Variants in ARMC3 observed in about 807,000 individuals in gnomAD.
ARMC3 encodes the protein armadillo repeat-containing protein 3.
ARMC3 carries 74 observed loss-of-function variants against 90.3 expected under a neutral mutation model. That is an observed-to-expected ratio of 0.82 (90% confidence interval 0.68 to 0.99). The LOEUF is 0.99. Among genes scored for constraint, ARMC3 ranks in the 50% least tolerant of loss-of-function variants. ARMC3 has a pLI of 0.00. For missense variants in ARMC3, 958 were observed against 1,042.8 expected (o/e 0.92, Z 1.12); for synonymous variants, 334 against 361.8 (o/e 0.92, Z 0.87).
intron 2 of ARMC3, among the ~76,000 whole-genome samples, chr10:22,932,453 CCACTGCACGT>C (rs1833969101): frequency 6.6e-6 from 1 of 152,164 alleles, no homozygotes; most frequent in Admixed American, 6.5e-5. Context: ...CTGGTGATGA[CCACTGCACGT>C]GAGAAGTCCC....
chr10:22,944,025 C>A (rs1834425123), intron 2 of ARMC3, among the ~76,000 whole-genome samples: 1 of 151,896 alleles, frequency 6.6e-6, no homozygotes, highest in Non-Finnish European at 1.5e-5. Flanking sequence ...TTTTTTGATC[C>A]ACCACAGTTG....
At chr10:22,947,797 C>G (rs1270555031) in intron 3 of ARMC3, among the ~76,000 whole-genome samples, 1 of 152,110 alleles carries the variant, frequency 6.6e-6, no homozygotes, top group African/African-American at 2.4e-5. Flanking sequence ...TTCTGTAAAA[C>G]TAACATTGTT....
At chr10:22,981,798 A>G (rs1314957435) in intron 10 of ARMC3, 98 bp downstream of exon 10, 1 of 1,001,670 alleles carries the variant, frequency 1.0e-6, no homozygotes, top group Non-Finnish European at 1.5e-6. Flanking sequence ...TAGTCTATGA[A>G]TTTCTTCAGA....
chr10:22,933,377 T>C (rs750843129), intron 2 of ARMC3, among the ~76,000 whole-genome samples: 2 of 152,194 alleles, frequency 1.3e-5, no homozygotes, highest in Non-Finnish European at 2.9e-5. Context: ...ATTACGGGGC[T>C]AATAAACAAT....
chr10:23,008,430 G>T, intron 15 of ARMC3, 56 bp downstream of exon 15: 1 of 974,584 alleles, frequency 1.0e-6, no homozygotes, highest in East Asian at 2.7e-5. Flanking sequence ...ATTTGAGTGT[G>T]AAAAAATGTT....
chr10:23,014,027 A>G lies in ARMC3; in HGVS notation c.2045+5096A>G, dbSNP rs1838155036. 3 of 1,514,864 alleles carry G rather than the reference A, an allele frequency of 2.0e-6. No homozygotes were observed. In the South Asian group the frequency reaches 3.6e-5, roughly 18 times the overall value. The allele number at this position is 1,514,864 out of a possible 1,614,324, so 93.8% of individuals were successfully genotyped here. A position where few individuals can be genotyped will look rare whatever the true frequency, so the allele number is the denominator to read the frequency against. ...TACAGTATGTCCAGGGAGAACAAATATAAACAAATGAGAATAATTATTCCT... is the reference window on the plus strand; with the variant it reads ...TACAGTATGTCCAGGGAGAACAAATGTAAACAAATGAGAATAATTATTCCT... On this transcript the variant is annotated intron_variant, in intron 16 of 18. Coordinates refer to ENST00000298032, the MANE Select transcript of ARMC3 (RefSeq NM_173081.5).
intron 8 of ARMC3, among the ~76,000 whole-genome samples, chr10:22,973,324 T>C (rs1189564206): frequency 6.7e-6 from 1 of 148,248 alleles, no homozygotes; most frequent in Non-Finnish European, 1.5e-5. Context: ...ATAATAATAA[T>C]AATAATAATA....
chr10:23,011,413 G>A (rs192359539), intron 16 of ARMC3, among the ~76,000 whole-genome samples: 9 of 152,240 alleles, frequency 5.9e-5, no homozygotes, highest in Admixed American at 3.9e-4. Context: ...AAGTCACTAC[G>A]TGTGAAATGC....
At position 23,027,744 on chromosome 10, in the gene ARMC3, C is replaced by A. The variant is rs577198162; in HGVS notation, c.2046-2852C>A. Among the ~76,000 whole-genome samples the A allele has an allele frequency of 1.1e-3, 165 of 152,218 alleles. 1 individual carries two copies. The highest frequency in any genetic ancestry group is 3.7e-3 in the South Asian group (18 of 4,826). Reference sequence around the variant, plus strand: ...TTTATTCAATGTGTTTTTTTCTATACTGTACCCTTTCTCTTCTCTGTCTGG... The same window carrying A: ...TTTATTCAATGTGTTTTTTTCTATAATGTACCCTTTCTCTTCTCTGTCTGG... On this transcript the variant is annotated intron_variant, in intron 16 of 18. Coordinates refer to ENST00000298032, the MANE Select transcript of ARMC3 (RefSeq NM_173081.5).
intron 7 of ARMC3, among the ~76,000 whole-genome samples, chr10:22,967,599 C>A (rs1236212084): frequency 6.6e-6 from 1 of 152,178 alleles, no homozygotes; most frequent in Non-Finnish European, 1.5e-5. Context: ...TTCTGGACAA[C>A]CTTGCCAAAG....
In ARMC3 at chr10:22,998,365, G is replaced by C; in HGVS notation, c.1393G>C (p.Ala465Pro). 6.2e-7 allele frequency: 1 copy of C among 1,614,064 alleles called. No individual in the cohort carries two copies. The highest frequency in any genetic ancestry group is 8.5e-7 in the Non-Finnish European group (1 of 1,179,974). Residue 465 changes from alanine to proline, a missense_variant, in exon 11 of 19, where the codon GCA becomes CCA. Ala to Pro is a conservative substitution (Grantham distance 27, BLOSUM62 -1). Coordinates refer to ENST00000298032, the MANE Select transcript of ARMC3 (RefSeq NM_173081.5). ...GAGCAAAGCTGCTCTCGCTGTCACC[G>C]CAACTGCGTGTGACGTTGAAGCCCG... ...VQSKAALAVT[A>P]TACDVEARTE...
chr10:22,946,260 A>G lies in ARMC3; in HGVS notation c.165A>G (p.Lys55=). 2 of 1,580,694 alleles carry G rather than the reference A, an allele frequency of 1.3e-6. No homozygotes were observed. Among genetic ancestry groups the G allele is most frequent in the Non-Finnish European group, 1.7e-6 (2 of 1,154,186 alleles). The change falls in exon 3 of 19, where the codon AAA becomes AAG. Residue 55 remains lysine (K), a splice_region_variant and synonymous_variant. Coordinates refer to ENST00000298032, the MANE Select transcript of ARMC3 (RefSeq NM_173081.5). ...AAGCCATTTATAAATTTGCTTTAAA[A>G]GGTTTGGATTTTTTTCAGTTTATCT... is the stretch of plus-strand genomic sequence containing the variant. ...ACEAIYKFAL[K]GEENKTTLLE...
chr10:22,995,646 T>C (rs1057047420), intron 10 of ARMC3, among the ~76,000 whole-genome samples: 12 of 152,156 alleles, frequency 7.9e-5, no homozygotes, highest in Non-Finnish European at 1.3e-4. Flanking sequence ...AATATGCCTT[T>C]GTAGAGGAGA....
intron 16 of ARMC3, among the ~76,000 whole-genome samples, chr10:23,022,257 T>A: frequency 6.6e-6 from 1 of 152,242 alleles, no homozygotes; most frequent in East Asian, 1.9e-4. Context: ...TGCATATGAA[T>A]GCCTAATTTT....
intron 16 of ARMC3, among the ~76,000 whole-genome samples, chr10:23,015,481 C>T (rs12246812): frequency 0.022 from 3,351 of 152,256 alleles, 124 homozygotes; most frequent in African/African-American, 0.076. Flanking sequence ...GTTCTGTCTA[C>T]ACTGTTCTTT....
At chr10:22,948,876 T>C (rs960229151) in intron 3 of ARMC3, among the ~76,000 whole-genome samples, 6 of 152,194 alleles carry the variant, frequency 3.9e-5, no homozygotes, top group African/African-American at 1.4e-4. Flanking sequence ...GTAAAGGGTC[T>C]CATTCTTGTA....
At chr10:23,028,689 T>C (rs1838811138) in intron 16 of ARMC3, among the ~76,000 whole-genome samples, 1 of 152,182 alleles carries the variant, frequency 6.6e-6, no homozygotes, top group Non-Finnish European at 1.5e-5. Context: ...ATTTTCAAAG[T>C]CTTTGCAGTG....
rs539001678 is a variant in ARMC3 at position 23,020,951 on chromosome 10, C to T, written c.2046-9645C>T. Among the ~76,000 whole-genome samples, 12 of 152,240 alleles carry T rather than the reference C, an allele frequency of 7.9e-5. No individual in the cohort carries two copies. In the South Asian group the frequency reaches 2.5e-3, roughly 32 times the overall value. ...AGGTAGGTTTTCAACCCTTCCCCAC[C>T]TCTCAACCTCCCCCACCTGGTAGCC... On this transcript the variant is annotated intron_variant, in intron 16 of 18. Transcript: ENST00000298032.
chr10:22,991,469 T>G (rs961553923), intron 10 of ARMC3, among the ~76,000 whole-genome samples: 4 of 148,256 alleles, frequency 2.7e-5, no homozygotes, highest in Non-Finnish European at 4.5e-5. Flanking sequence ...TTGTTTTAGG[T>G]TTTTTTTTTG....
Sources: gnomAD v4.1 joint callset for allele counts (sites outside exome capture counted in the v4.1 genomes callset) on GRCh38, gnomAD v4.1.1 for gene constraint, MANE v1.5 for transcripts, NCBI Gene and HGNC (gene_info 2026-07-23, HGNC 2026-07-21) for gene names.